Variants in APOB observed in about 807,000 individuals in gnomAD.
APOB encodes the protein apolipoprotein B-100.
Under a neutral mutation model 314.1 loss-of-function variants are expected in APOB, and 153 were observed. The observed-to-expected ratio is 0.49, with a 90% CI of 0.43 to 0.56. APOB has a LOEUF of 0.56. Ranked by LOEUF, APOB falls within the 20% of genes least tolerant of loss-of-function variation. APOB has a pLI of 0.00. For missense variants in APOB, 5,430 were observed against 5,350.7 expected (o/e 1.01, Z -0.46); for synonymous variants, 2,087 against 2,036.4 (o/e 1.02, Z -0.67).
rs767091894 is a variant in APOB at position 21,001,858 on chromosome 2, C to T, written c.13564G>A (p.Asp4522Asn). 6 of 1,613,972 alleles carry T rather than the reference C, an allele frequency of 3.7e-6. No individual in the cohort carries two copies. The highest frequency in any genetic ancestry group is 5.1e-6 in the Non-Finnish European group (6 of 1,179,950). The change falls in exon 29 of 29, where the codon GAC becomes AAC. Residue 4522 changes from aspartate to asparagine, a missense_variant. Transcript: ENST00000233242. Reference protein sequence around the residue: ...KFIAESKRLIDLSIQNYHTFL... With the variant: ...KFIAESKRLINLSIQNYHTFL... ...GTGTGGTAGTTTTGAATGGACAGGTCAATCAATCTTTTGGATTCAGCAATA... is the reference window on the plus strand; with the variant it reads ...GTGTGGTAGTTTTGAATGGACAGGTTAATCAATCTTTTGGATTCAGCAATA...
rs765647343 is a variant in APOB at position 21,002,219 on chromosome 2, A to T, written c.13203T>A (p.Tyr4401Ter). The T allele has an allele frequency of 1.2e-6, 2 of 1,614,012 alleles. No individual in the cohort carries two copies. Among genetic ancestry groups the T allele is most frequent in the Non-Finnish European group, 1.7e-6 (2 of 1,179,968 alleles). The part of the protein sequence containing the change: ...PSIVGWTVKY[Y>*]ELEEKIVSLI... ...GACTGACTATCTTTTCTTCAAGTTCATAATATTTCACTGTCCAGCCAACTA... is the reference window on the plus strand; with the variant it reads ...GACTGACTATCTTTTCTTCAAGTTCTTAATATTTCACTGTCCAGCCAACTA... The change falls in exon 29 of 29, where the codon TAT (tyrosine) becomes TAA (stop). Residue 4401 changes from tyrosine to a stop codon, truncating the protein, a stop_gained. Transcript: ENST00000233242. LOFTEE classifies it low-confidence loss of function (END_TRUNC).
chr2:21,022,783 C>A (rs1663645069), intron 18 of APOB, 48 bp downstream of exon 18: 1 of 1,585,656 alleles, frequency 6.3e-7, no homozygotes, highest in Non-Finnish European at 8.7e-7. Context: ...GGTACATTCT[C>A]TGTTCTCTCT....
intron 6 of APOB, 48 bp from the exon 7 acceptor site, chr2:21,035,756 C>A: frequency 1.2e-6 from 2 of 1,603,958 alleles, no homozygotes; most frequent in Non-Finnish European, 1.7e-6. Flanking sequence ...CCTGTATCTT[C>A]TGTTAAAAGC....
In APOB at chr2:21,012,403, G is replaced by A; in HGVS notation, c.4465C>T (p.Gln1489Ter). 6.2e-7 allele frequency: 1 copy of A among 1,614,170 alleles called. No individual in the cohort carries two copies. Among genetic ancestry groups the A allele is most frequent in the Non-Finnish European group, 8.5e-7 (1 of 1,180,032 alleles). The change falls in exon 26 of 29, where the codon CAG (glutamine) becomes TAG (stop). Residue 1489 changes from glutamine (Q) to a stop codon, truncating the protein, a stop_gained. Coordinates refer to ENST00000233242, the MANE Select transcript of APOB (RefSeq NM_000384.3). LOFTEE classifies it high-confidence loss of function. Reference protein sequence around the residue: ...LFVKEVKIDGQFRVSSFYAKG... With the variant: ...LFVKEVKIDG ...GCATAGAACGAAGAGACTCTGAACTGCCCATCAATCTTGACTTCTTTGACA... is the reference window on the plus strand; with the variant it reads ...GCATAGAACGAAGAGACTCTGAACTACCCATCAATCTTGACTTCTTTGACA...
rs72654407 is a variant in APOB, at chr2:21,005,522, G to A, written c.11346C>T (p.Asn3782=). 2.5e-6 allele frequency: 4 copies of A among 1,614,030 alleles called. No individual in the cohort carries two copies. Among genetic ancestry groups the A allele is most frequent in the African/African-American group, 2.7e-5 (2 of 75,012 alleles). ...ATTTTACCTCGGGGAGTGTTGGTAG[G>A]TTGAGGGCAAATGATGAAGTTCTCA... ...KKLRTSSFAL[N]LPTLPEVKFP... is the part of the protein sequence containing the mutation. Residue 3782 remains asparagine (N), a synonymous_variant, in exon 26 of 29, where the codon AAC becomes AAT. Coordinates refer to ENST00000233242, the MANE Select transcript of APOB (RefSeq NM_000384.3).
At position 21,007,667 on chromosome 2, in the gene APOB, C is replaced by G; in HGVS notation, c.9201G>C (p.Lys3067Asn). The change falls in exon 26 of 29, where the codon AAG becomes AAC. Residue 3067 changes from lysine to asparagine, a missense_variant. By Grantham distance (94) the Lys-to-Asn change is moderately conservative. Coordinates refer to ENST00000233242, the MANE Select transcript of APOB (RefSeq NM_000384.3). ...KVRFPLRLTG[K>N]IDFLNNYALF... ...GTGCATAGTTATTCAGGAAGTCTATCTTCCCTGTTAACCTTAATGGAAAAC... is the reference window on the plus strand; with the variant it reads ...GTGCATAGTTATTCAGGAAGTCTATGTTCCCTGTTAACCTTAATGGAAAAC... 6.2e-7 allele frequency: 1 copy of G among 1,614,118 alleles called. No homozygotes were observed.
In APOB at chr2:21,002,145, A is replaced by G. The variant is rs768381269; in HGVS notation, c.13277T>C (p.Ile4426Thr). The part of the protein sequence containing the change: ...VALKDFHSEY[I>T]VSASNFTSQL... Reference sequence around the variant, plus strand: ...GGAAGTAAAGTTAGAGGCACTGACAATATATTCAGAATGGAAGTCCTTAAG... The same window carrying G: ...GGAAGTAAAGTTAGAGGCACTGACAGTATATTCAGAATGGAAGTCCTTAAG... The change falls in exon 29 of 29, where the codon ATT becomes ACT. Residue 4426 changes from isoleucine (I) to threonine (T), a missense_variant. Around this residue, in one of 3 missense-constraint regions of APOB, gnomAD observed 3,281 missense variants for 3,171.0 expected, o/e 1.03. Coordinates refer to ENST00000233242, the MANE Select transcript of APOB (RefSeq NM_000384.3). The G allele has an allele frequency of 4.3e-6, 7 of 1,613,968 alleles. No individual in the cohort carries two copies. The highest frequency in any genetic ancestry group is 3.3e-5 in the Admixed American group (2 of 59,984).
rs1437060826 is a variant in APOB, at chr2:21,001,608, T to C, written c.*122A>G. 5.4e-6 allele frequency: 5 copies of C among 922,734 alleles called. No individual in the cohort carries two copies. Among genetic ancestry groups the C allele is most frequent in the Non-Finnish European group, 8.4e-6 (5 of 595,748 alleles). The allele number at this position is 922,734 out of a possible 1,614,324, so 57.2% of individuals were successfully genotyped here. ...TTCATATGTGCTTCTGCTTATAGTC[T>C]ACTGCCTACTGCAAGGCTGGCTCAC... On this transcript the variant is annotated 3_prime_UTR_variant, in exon 29 of 29. Coordinates refer to ENST00000233242, the MANE Select transcript of APOB (RefSeq NM_000384.3).
chr2:21,035,524 A>T, intron 7 of APOB, 60 bp downstream of exon 7: 1 of 1,605,160 alleles, frequency 6.2e-7, no homozygotes, highest in East Asian at 2.2e-5. Flanking sequence ...AGCACTTGAG[A>T]AGTGTTCAGT....
In APOB at chr2:21,012,074, C is replaced by T; in HGVS notation, c.4794G>A (p.Leu1598=). 6.2e-7 allele frequency: 1 copy of T among 1,614,160 alleles called. No homozygotes were observed. Residue 1598 remains leucine, a synonymous_variant, in exon 26 of 29, where the codon CTG becomes CTA. Transcript: ENST00000233242. ...CGTAATCAGCCTGATATTCAGAACG[C>T]AGCAGTGCATTTTGCTTAGAGAAGG... is the stretch of plus-strand genomic sequence containing the variant. ...DMTFSKQNAL[L]RSEYQADYES...
Position 21,028,323 on chromosome 2 carries a change from T to G in APOB, c.1829+4A>C. 6.2e-7 allele frequency: 1 copy of G among 1,611,608 alleles called. No individual in the cohort carries two copies. Among genetic ancestry groups the G allele is most frequent in the Non-Finnish European group, 8.5e-7 (1 of 1,177,692 alleles). On this transcript the variant is annotated splice_donor_region_variant and intron_variant, in intron 13 of 28. Coordinates refer to ENST00000233242, the MANE Select transcript of APOB (RefSeq NM_000384.3). ...GGTATATGGGGTGAATAGCTCTTAC[T>G]TACTCTTGGATATCCAATTCTTCTG...
At chr2:21,031,887 CA>C (rs1355715379) in intron 10 of APOB, among the ~76,000 whole-genome samples, 1 of 151,718 alleles carries the variant, frequency 6.6e-6, no homozygotes, top group Admixed American at 6.6e-5. Flanking sequence ...AACAAACAAA[CA>C]AAAAAATTCA....
rs752461048 is a variant in APOB, at chr2:21,024,951, C to A, written c.2418G>T (p.Leu806=). The A allele has an allele frequency of 4.3e-6, 7 of 1,613,968 alleles. No individual in the cohort carries two copies. The African/African-American group carries it at 6.7e-5, about 15-fold the overall frequency. The change falls in exon 16 of 29, where the codon CTG becomes CTT. Residue 806 remains leucine, a synonymous_variant. Transcript: ENST00000233242. ...GKLLLMGART[L]QGIPQMIGEV... Reference sequence around the variant, plus strand: ...GACTTACCATCTGGGGGATCCCCTGCAGAGTGCGGGCACCCATCAGAAGCA... The same window carrying A: ...GACTTACCATCTGGGGGATCCCCTGAAGAGTGCGGGCACCCATCAGAAGCA...
At chr2:21,041,174 C>A (rs1024816070) in intron 3 of APOB, 91 bp from the exon 4 acceptor site, 2 of 1,380,526 alleles carry the variant, frequency 1.4e-6, no homozygotes, top group African/African-American at 2.8e-5. Context: ...AATCAGAGCA[C>A]CAAAGGGAAT....
At position 21,006,069 on chromosome 2, in the gene APOB, A is replaced by G. The variant is rs1405623888; in HGVS notation, c.10799T>C (p.Val3600Ala). The G allele has an allele frequency of 6.2e-7, 1 of 1,614,036 alleles. No individual in the cohort carries two copies. The highest frequency in any genetic ancestry group is 1.1e-5 in the South Asian group (1 of 91,078). ...ACTGGGCTGACTTGCATGGACCTGA[A>G]CAAGAGCTGACATTTGCCATGGAGA... ...ELSPWQMSAL[V>A]QVHASQPSSF... The change falls in exon 26 of 29, where the codon GTT (valine) becomes GCT (alanine). Residue 3600 changes from valine (V) to alanine (A), a missense_variant. By Grantham distance (64) the Val-to-Ala change is moderately conservative. This residue lies in a region of APOB where 3,281 missense variants were observed against 3,171.0 expected (regional missense o/e 1.03). Transcript: ENST00000233242.
At chr2:21,043,482 C>A in intron 2 of APOB, 31 bp downstream of exon 2, 1 of 1,590,542 alleles carries the variant, frequency 6.3e-7, no homozygotes, top group Non-Finnish European at 8.6e-7. Context: ...GGGCTGGGCG[C>A]CCTTCCACGC....
chr2:21,038,243 A>G, intron 4 of APOB, 132 bp from the exon 5 acceptor site: 1 of 974,098 alleles, frequency 1.0e-6, no homozygotes, highest in Non-Finnish European at 1.6e-6. Flanking sequence ...ATTTATTTGT[A>G]AATATAGAAT....
chr2:21,003,934 A>G (rs918575907), intron 28 of APOB, among the ~76,000 whole-genome samples: 5 of 152,316 alleles, frequency 3.3e-5, no homozygotes, highest in Non-Finnish European at 7.3e-5. Flanking sequence ...AGTTTTAAAT[A>G]CTACAGAAAC....
chr2:21,019,173 G>A, intron 19 of APOB, 60 bp from the exon 20 acceptor site: 2 of 1,608,502 alleles, frequency 1.2e-6, no homozygotes, highest in Admixed American at 1.7e-5. Flanking sequence ...TGGTGATTAT[G>A]TTCCCAAAAC....
Sources: gnomAD v4.1 joint callset for allele counts (sites outside exome capture counted in the v4.1 genomes callset) on GRCh38, gnomAD v4.1.1 for gene constraint, gnomAD v4.1.1 regional missense constraint, MANE v1.5 for transcripts, NCBI Gene and HGNC (gene_info 2026-07-23, HGNC 2026-07-21) for gene names.